LRFN2: variants seen among roughly 807,000 people sequenced by gnomAD.
The protein encoded by LRFN2 is leucine rich repeat and fibronectin type III domain containing 2, also known as leucine-rich repeat and fibronectin type-III domain-containing protein 2.
In LRFN2, 18 loss-of-function variants were observed where a neutral mutation model predicts 37.3. That is an observed-to-expected ratio of 0.48 (90% confidence interval 0.33 to 0.72). The LOEUF is 0.72. Among genes scored for constraint, LRFN2 ranks in the 30% least tolerant of loss-of-function variants. The pLI, the probability that LRFN2 is intolerant of heterozygous loss-of-function variation, is 0.02. For missense variants in LRFN2, 1,006 were observed against 1,060.7 expected (o/e 0.95, Z 0.72); for synonymous variants, 556 against 466.6 (o/e 1.19, Z -2.47).
At chr6:40,533,242 T>G (rs1766382267) in intron 1 of LRFN2, among the ~76,000 whole-genome samples, 1 of 152,116 alleles carries the variant, frequency 6.6e-6, no homozygotes, top group South Asian at 2.1e-4. Context: ...TTCTTTCCCT[T>G]GACTGGAAGA....
chr6:40,461,946 T>G (rs1561865393), intron 1 of LRFN2, among the ~76,000 whole-genome samples: 1 of 152,342 alleles, frequency 6.6e-6, no homozygotes, highest in South Asian at 2.1e-4. Context: ...TTTGTAGTTA[T>G]GCAGGCTCAT....
intron 1 of LRFN2, among the ~76,000 whole-genome samples, chr6:40,470,658 C>T (rs116540479): frequency 0.014 from 2,068 of 152,166 alleles, 59 homozygotes; most frequent in African/African-American, 0.046. Flanking sequence ...AGGAATTCCC[C>T]GATGGAAAGA....
intron 1 of LRFN2, among the ~76,000 whole-genome samples, chr6:40,438,178 G>T (rs1183449784): frequency 6.6e-6 from 1 of 152,174 alleles, no homozygotes; most frequent in Non-Finnish European, 1.5e-5. Context: ...TAGATACAGG[G>T]GAGCAGGGAG....
intron 1 of LRFN2, among the ~76,000 whole-genome samples, chr6:40,532,312 A>T (rs1766358093): frequency 6.6e-6 from 1 of 152,244 alleles, no homozygotes; most frequent in Non-Finnish European, 1.5e-5. Context: ...AATATAATGG[A>T]CCTAGTGGTC....
Position 40,552,409 on chromosome 6 carries a change from G to A in LRFN2, c.-19+34532C>T, listed in dbSNP as rs150457259. Among the ~76,000 whole-genome samples, 88 of 152,312 alleles carry A rather than the reference G, an allele frequency of 5.8e-4. 1 individual carries two copies. The highest frequency in any genetic ancestry group is 3.5e-3 in the East Asian group (18 of 5,182). ...CCAGTGATGCCAGTGCTTCTGCCCC[G>A]TGAACCACCCTTTGAATAGCAAAGC... On this transcript the variant is annotated intron_variant, in intron 1 of 2. Coordinates refer to ENST00000338305, the MANE Select transcript of LRFN2 (RefSeq NM_020737.3).
Position 40,426,854 on chromosome 6 carries a change from T to G in LRFN2, c.1400+4860A>C, listed in dbSNP as rs190758688. On this transcript the variant is annotated intron_variant, in intron 2 of 2. Coordinates refer to ENST00000338305, the MANE Select transcript of LRFN2 (RefSeq NM_020737.3). ...AATCCCAAGACTGTGCCATCCCAGA[T>G]TAAACATATTAAAGCTCTGCTCTGA... 1.8e-3 allele frequency among the ~76,000 whole-genome samples: 277 copies of G among 152,258 alleles called. 2 individuals are homozygous for G. Among genetic ancestry groups the G allele is most frequent in the African/African-American group, 6.5e-3 (268 of 41,544 alleles).
At chr6:40,538,272 G>A (rs912416853) in intron 1 of LRFN2, among the ~76,000 whole-genome samples, 1 of 152,086 alleles carries the variant, frequency 6.6e-6, no homozygotes, top group Non-Finnish European at 1.5e-5. Context: ...GCGGAGTGAT[G>A]GGAAGCCCCA....
chr6:40,577,249 G>C (rs35946702), intron 1 of LRFN2, among the ~76,000 whole-genome samples: 77,240 of 151,032 alleles, frequency 0.51, 20,103 homozygotes, highest in Middle Eastern at 0.6. Flanking sequence ...CTACAGGCAC[G>C]CGCGGCCATG....
chr6:40,543,339 A>G (rs183165846), intron 1 of LRFN2, among the ~76,000 whole-genome samples: 1 of 152,362 alleles, frequency 6.6e-6, no homozygotes, highest in East Asian at 1.9e-4. Flanking sequence ...ATGCACCGTC[A>G]TGTATGTGCC....
intron 1 of LRFN2, among the ~76,000 whole-genome samples, chr6:40,544,740 C>T (rs1434065953): frequency 1.3e-5 from 2 of 152,204 alleles, no homozygotes; most frequent in African/African-American, 2.4e-5. Context: ...ATTCCAGCAG[C>T]GCTGAGGATA....
At chr6:40,527,316 A>C (rs1316304956) in intron 1 of LRFN2, among the ~76,000 whole-genome samples, 1 of 152,230 alleles carries the variant, frequency 6.6e-6, no homozygotes, top group Non-Finnish European at 1.5e-5. Flanking sequence ...AAAAGGGACA[A>C]GGCAAGGACT....
intron 1 of LRFN2, among the ~76,000 whole-genome samples, chr6:40,454,859 A>T (rs1412511339): frequency 6.6e-6 from 1 of 152,192 alleles, no homozygotes. Context: ...GCAAAACCTA[A>T]TGCATAGTGA....
chr6:40,492,485 G>C (rs1336727901), intron 1 of LRFN2, among the ~76,000 whole-genome samples: 2 of 152,214 alleles, frequency 1.3e-5, no homozygotes, highest in Admixed American at 1.3e-4. Context: ...TGGATCTGGC[G>C]TATGTGTGCA....
At chr6:40,577,707 G>A (rs1454445682) in intron 1 of LRFN2, among the ~76,000 whole-genome samples, 2 of 102,678 alleles carry the variant, frequency 1.9e-5, no homozygotes, top group African/African-American at 8.1e-5. Flanking sequence ...TCTTGCGATA[G>A]TTTACTGAGA....
chr6:40,537,089 C>A (rs1401205636), intron 1 of LRFN2, among the ~76,000 whole-genome samples: 1 of 152,170 alleles, frequency 6.6e-6, no homozygotes, highest in Non-Finnish European at 1.5e-5. Context: ...GATTTTGATC[C>A]AGGGGATCTG....
In LRFN2 at chr6:40,392,494, C is replaced by T. The variant is rs766153599; in HGVS notation, c.1819G>A (p.Glu607Lys). 2.0e-5 allele frequency: 31 copies of T among 1,578,816 alleles called. No individual in the cohort carries two copies. Among genetic ancestry groups the T allele is most frequent in the Non-Finnish European group, 2.7e-5 (31 of 1,163,560 alleles). ...QGPPKVVVRN[E>K]LLDFTASLAR... Reference sequence around the variant, plus strand: ...AGGCTGGCGGTGAAGTCCAGGAGCTCGTTGCGCACCACCACCTTCGGCGGG... The same window carrying T: ...AGGCTGGCGGTGAAGTCCAGGAGCTTGTTGCGCACCACCACCTTCGGCGGG... The change falls in exon 3 of 3, where the codon GAG (glutamate) becomes AAG (lysine). Residue 607 changes from glutamate to lysine, a missense_variant. Transcript: ENST00000338305. This position sits in a 1 kb window ranked among gnomAD's most constrained non-coding sequence, Gnocchi z 4.7.
At chr6:40,552,509 G>C (rs980628292) in intron 1 of LRFN2, among the ~76,000 whole-genome samples, 10 of 152,192 alleles carry the variant, frequency 6.6e-5, no homozygotes, top group Admixed American at 6.5e-5. Context: ...ACATGTAGCT[G>C]AGCAGACACA....
chr6:40,472,318 C>A (rs973209965), intron 1 of LRFN2, among the ~76,000 whole-genome samples: 1 of 152,200 alleles, frequency 6.6e-6, no homozygotes, highest in Non-Finnish European at 1.5e-5. Flanking sequence ...TTTGAAAAAA[C>A]CAGGAGTCTG....
chr6:40,412,224 C>A (rs1762985957), intron 2 of LRFN2, among the ~76,000 whole-genome samples: 1 of 152,138 alleles, frequency 6.6e-6, no homozygotes, highest in African/African-American at 2.4e-5. Context: ...CTGATAAACA[C>A]TTCCCGCCCC....
Sources: allele counts gnomAD v4.1 joint callset (sites outside exome capture counted in the v4.1 genomes callset), GRCh38; gene constraint gnomAD v4.1.1; non-coding constraint Gnocchi (gnomAD v3.1); transcripts MANE v1.5; gene names NCBI Gene and HGNC (gene_info 2026-07-23, HGNC 2026-07-21).